Variants in ZC3H3 observed in about 807,000 individuals in gnomAD.
ZC3H3 encodes the protein zinc finger CCCH-type containing 3, also known as zinc finger CCCH domain-containing protein 3.
ZC3H3 carries 36 observed loss-of-function variants against 77.3 expected under a neutral mutation model. That is an observed-to-expected ratio of 0.47 (90% confidence interval 0.36 to 0.61). The LOEUF is 0.61. ZC3H3 is among the 20% of genes least tolerant of loss of function. The pLI is 0.00. For missense variants in ZC3H3, 1,331 were observed against 1,312.2 expected, an observed-to-expected ratio of 1.01 and a Z score of -0.22; for synonymous variants, 626 against 555.2, an observed-to-expected ratio of 1.13 and a Z score of -1.79.
intron 4 of ZC3H3, chr8:143,484,774 C>G (rs11786237): frequency 2.7e-6 from 1 of 367,876 alleles, no homozygotes; most frequent in Non-Finnish European, 5.4e-6. Context: ...CCTGCCTAGG[C>G]CCTCAAGGAC....
rs1312279007 is a variant in ZC3H3, at chr8:143,494,995, G to A, written c.1715+12751C>T. 6.6e-6 allele frequency among the ~76,000 whole-genome samples: 1 copy of A among 152,210 alleles called. No homozygotes were observed. The highest frequency in any genetic ancestry group is 1.5e-5 in the Non-Finnish European group (1 of 68,038). ...TTAGAAAGGCGGTAACACCACGTCT[G>A]AGGGGAACAGAAAGGGTCGCGGCAC... On this transcript the variant is annotated intron_variant, in intron 4 of 11. Coordinates refer to ENST00000262577, the MANE Select transcript of ZC3H3 (RefSeq NM_015117.3). This position sits in a 1 kb window ranked among gnomAD's most constrained non-coding sequence, Gnocchi z 5.3.
chr8:143,469,348 C>T (rs1184502689), intron 5 of ZC3H3, among the ~76,000 whole-genome samples: 1 of 152,242 alleles, frequency 6.6e-6, no homozygotes, highest in African/African-American at 2.4e-5. Flanking sequence ...AAACTAAAGA[C>T]ATGCAGCAGA....
At chr8:143,500,454 A>G (rs1473741951) in intron 4 of ZC3H3, among the ~76,000 whole-genome samples, 1 of 152,240 alleles carries the variant, frequency 6.6e-6, no homozygotes, top group Non-Finnish European at 1.5e-5. Context: ...CACTGCCAGG[A>G]TGAGGCGGGC....
chr8:143,501,102 C>T (rs751096003), intron 4 of ZC3H3, among the ~76,000 whole-genome samples: 2 of 151,822 alleles, frequency 1.3e-5, no homozygotes, highest in Non-Finnish European at 2.9e-5. Context: ...CAGGGGTGAG[C>T]CACTGCACCC....
intron 4 of ZC3H3, among the ~76,000 whole-genome samples, chr8:143,481,814 G>A (rs1350044806): frequency 3.3e-5 from 5 of 152,222 alleles, no homozygotes; most frequent in Non-Finnish European, 7.3e-5. Flanking sequence ...TTCTCCCCAT[G>A]AGGGGCCTCA....
At chr8:143,466,320 C>T (rs1820408428) in intron 8 of ZC3H3, among the ~76,000 whole-genome samples, 1 of 152,202 alleles carries the variant, frequency 6.6e-6, no homozygotes, top group Non-Finnish European at 1.5e-5. Context: ...GACCCGTGGG[C>T]CACAGGCAGT....
rs769527253 is a variant in ZC3H3 at position 143,538,963 on chromosome 8, G to A, written c.404C>T (p.Ser135Phe). Residue 135 changes from serine to phenylalanine, a missense_variant, in exon 2 of 12, where the codon TCT (serine) becomes TTT (phenylalanine). Ser to Phe is a radical substitution (Grantham distance 155). Around this residue, in one of 3 missense-constraint regions of ZC3H3, gnomAD observed 978 missense variants for 915.5 expected, o/e 1.07. Coordinates refer to ENST00000262577, the MANE Select transcript of ZC3H3 (RefSeq NM_015117.3). ...IKVKPPSKSG[S>F]ASASGAQRGS... ...CCGCTGGGCCCCTGAGGCACTGGCA[G>A]AGCCAGACTTTGATGGCGGTTTAAC... 10 of 1,612,948 alleles carry A rather than the reference G, an allele frequency of 6.2e-6. No individual in the cohort carries two copies. In the South Asian group the frequency reaches 8.8e-5, roughly 14 times the overall value.
chr8:143,465,946 A>T, intron 8 of ZC3H3, 98 bp from the exon 9 acceptor site: 1 of 1,462,028 alleles, frequency 6.8e-7, no homozygotes. Context: ...CCGAGAGAGA[A>T]ATGGACACGC....
At chr8:143,452,719 G>A (rs1255881979) in intron 9 of ZC3H3, among the ~76,000 whole-genome samples, 1 of 152,218 alleles carries the variant, frequency 6.6e-6, no homozygotes, top group Non-Finnish European at 1.5e-5. Flanking sequence ...CACAACAGCT[G>A]AATGGATGAG....
rs144647497 is a variant in ZC3H3 at position 143,440,268 on chromosome 8, C to T, written c.2588G>A (p.Gly863Glu). 3 of 1,584,560 alleles carry T rather than the reference C, an allele frequency of 1.9e-6. No individual in the cohort carries two copies. The highest frequency in any genetic ancestry group is 2.3e-5 in the East Asian group (1 of 44,018). The change falls in exon 11 of 12, where the codon GGG becomes GAG. Residue 863 changes from glycine (G) to glutamate (E), a missense_variant. Coordinates refer to ENST00000262577, the MANE Select transcript of ZC3H3 (RefSeq NM_015117.3). Reference sequence around the variant, plus strand: ...CTTCGAGGATGAGGGAGAGGCTGACCCCCCTGGGCAGTGGGGAGGTGCAGC... The same window carrying T: ...CTTCGAGGATGAGGGAGAGGCTGACTCCCCTGGGCAGTGGGGAGGTGCAGC... ...AVAAPPHCPG[G>E]SASPSSSKAS...
chr8:143,470,084 G>A (rs918234936), intron 5 of ZC3H3, among the ~76,000 whole-genome samples: 13 of 152,150 alleles, frequency 8.5e-5, no homozygotes, highest in Admixed American at 6.5e-5. Context: ...ACTCCCACCC[G>A]AGGACCCAAG....
At chr8:143,489,512 A>G (rs1184370828) in intron 4 of ZC3H3, among the ~76,000 whole-genome samples, 1 of 152,098 alleles carries the variant, frequency 6.6e-6, no homozygotes, top group Non-Finnish European at 1.5e-5. Context: ...GAGAGGGGCC[A>G]GGGGAGGAGC....
intron 5 of ZC3H3, among the ~76,000 whole-genome samples, chr8:143,472,987 A>G (rs1820618067): frequency 6.6e-6 from 1 of 152,194 alleles, no homozygotes; most frequent in African/African-American, 2.4e-5. Flanking sequence ...CAGCTTCCGC[A>G]GAGCAGGGCA....
chr8:143,531,532 T>C (rs577666267), intron 3 of ZC3H3, among the ~76,000 whole-genome samples: 2 of 152,218 alleles, frequency 1.3e-5, no homozygotes, highest in South Asian at 2.1e-4. Flanking sequence ...TGCTGAACAA[T>C]GCACTTTTGA....
rs4874147 is a variant in ZC3H3, at chr8:143,538,013, T to G, written c.1354A>C (p.Ser452Arg). 6.2e-7 allele frequency: 1 copy of G among 1,600,520 alleles called. No homozygotes were observed. The highest frequency in any genetic ancestry group is 8.5e-7 in the Non-Finnish European group (1 of 1,172,604). The change falls in exon 2 of 12, where the codon AGC becomes CGC. Residue 452 changes from serine (S) to arginine (R), a missense_variant. Around this residue, in one of 3 missense-constraint regions of ZC3H3, gnomAD observed 978 missense variants for 915.5 expected, o/e 1.07. Transcript: ENST00000262577. ...KSRTKIIRRR[S>R]STSLPGDKKS... ...GGCCGGGATGCCCACCTTGTGCTGCTGCGTCTCCGGATGATCTTGGTGCGG... is the reference window on the plus strand; with the variant it reads ...GGCCGGGATGCCCACCTTGTGCTGCGGCGTCTCCGGATGATCTTGGTGCGG...
chr8:143,440,296 C>A lies in ZC3H3; in HGVS notation c.2560G>T (p.Val854Leu), dbSNP rs367774975. 6.4e-7 allele frequency: 1 copy of A among 1,566,270 alleles called. No individual in the cohort carries two copies. Among genetic ancestry groups the A allele is most frequent in the Non-Finnish European group, 8.7e-7 (1 of 1,153,560 alleles). The change falls in exon 11 of 12, where the codon GTG (valine) becomes TTG (leucine). Residue 854 changes from valine to leucine, a missense_variant. By Grantham distance (32) the Val-to-Leu change is conservative. Transcript: ENST00000262577. ...PSSAALTAAAVAAPPHCPGGS... is the reference protein window; with the variant it reads ...PSSAALTAAALAAPPHCPGGS... The stretch of plus-strand genomic sequence containing the variant: ...CCTGGGCAGTGGGGAGGTGCAGCCA[C>A]GGCAGCCGCAGTGAGGGCAGCCGAG...
At chr8:143,478,071 A>G (rs1414495821) in intron 4 of ZC3H3, among the ~76,000 whole-genome samples, 1 of 151,996 alleles carries the variant, frequency 6.6e-6, no homozygotes, top group Non-Finnish European at 1.5e-5. Flanking sequence ...GCTGGGTTCA[A>G]CCCTGGCCGC....
chr8:143,452,515 G>A (rs1212093870), intron 9 of ZC3H3, among the ~76,000 whole-genome samples: 1 of 152,204 alleles, frequency 6.6e-6, no homozygotes, highest in Non-Finnish European at 1.5e-5. Flanking sequence ...CAGCGCCAAC[G>A]CTGACAGACA....
chr8:143,484,292 G>A (rs919346245), intron 4 of ZC3H3, among the ~76,000 whole-genome samples: 4 of 152,168 alleles, frequency 2.6e-5, no homozygotes, highest in Admixed American at 6.5e-5. Context: ...AGAAGGATTC[G>A]GAGGCGCCTC....
Sources: allele counts gnomAD v4.1 joint callset (sites outside exome capture counted in the v4.1 genomes callset), GRCh38; gene constraint gnomAD v4.1.1; regional missense constraint gnomAD v4.1.1; non-coding constraint Gnocchi (gnomAD v3.1); transcripts MANE v1.5; gene names NCBI Gene and HGNC (gene_info 2026-07-23, HGNC 2026-07-21).